The following ADAMTS2 variants were observed in gnomAD, a reference collection of about 807,000 sequenced individuals.
The protein encoded by ADAMTS2 is ADAM metallopeptidase with thrombospondin type 1 motif 2.
Under a neutral mutation model 123.0 loss-of-function variants are expected in ADAMTS2, and 50 were observed. That is an observed-to-expected ratio of 0.41 (90% CI 0.32 to 0.51). The LOEUF is 0.51. Ranked by LOEUF, ADAMTS2 falls within the 20% of genes least tolerant of loss-of-function variation. The pLI, the probability that ADAMTS2 is intolerant of heterozygous loss-of-function variation, is 0.35. For missense variants in ADAMTS2, 1,494 were observed against 1,705.2 expected, an observed-to-expected ratio of 0.88 and a Z score of 2.18; for synonymous variants, 678 against 695.4, an observed-to-expected ratio of 0.98 and a Z score of 0.39.
chr5:179,240,899 G>C (rs1053440057), intron 3 of ADAMTS2, among the ~76,000 whole-genome samples: 5 of 152,174 alleles, frequency 3.3e-5, no homozygotes, highest in Non-Finnish European at 5.9e-5. Context: ...AGAGGAACAG[G>C]GTTCAACTCT....
At chr5:179,248,049 T>A (rs1192041846) in intron 3 of ADAMTS2, among the ~76,000 whole-genome samples, 1 of 152,148 alleles carries the variant, frequency 6.6e-6, no homozygotes, top group Admixed American at 6.5e-5. Context: ...TCTACATTAA[T>A]AGACACACAT....
At position 179,343,794 on chromosome 5, in the gene ADAMTS2, A is replaced by G; in HGVS notation, c.507T>C (p.Ser169=). ...GDVAGLAEAS[S]VALSNCDGLA... ...GCCCATCGCAGTTGCTGAGCGCCACAGAGGAGGCTTCGGCTAGGCCGGCCA... is the reference window on the plus strand; with the variant it reads ...GCCCATCGCAGTTGCTGAGCGCCACGGAGGAGGCTTCGGCTAGGCCGGCCA... The change falls in exon 2 of 22, where the codon TCT becomes TCC. Residue 169 remains serine, a synonymous_variant. Coordinates refer to ENST00000251582, the MANE Select transcript of ADAMTS2 (RefSeq NM_014244.5). 1 of 1,611,866 alleles carries G rather than the reference A, an allele frequency of 6.2e-7. No homozygotes were observed. The highest frequency in any genetic ancestry group is 8.5e-7 in the Non-Finnish European group (1 of 1,179,732).
intron 3 of ADAMTS2, among the ~76,000 whole-genome samples, chr5:179,265,744 C>T (rs1337271760): frequency 6.6e-6 from 1 of 152,250 alleles, no homozygotes; most frequent in African/African-American, 2.4e-5. Flanking sequence ...GCATCTCCAA[C>T]AGCCATCCCA....
At chr5:179,208,175 G>T (rs1167917914) in intron 3 of ADAMTS2, among the ~76,000 whole-genome samples, 1 of 151,794 alleles carries the variant, frequency 6.6e-6, no homozygotes. Context: ...TGCTGGAGTG[G>T]GTAGAGCCAC....
In ADAMTS2 at chr5:179,202,499, T is replaced by G. The variant is rs1418573556; in HGVS notation, c.891+5014A>C. ...TCATTATTTGAAATGATCCTGTTTGTTTTTCACTTCAGTATCGTCTGTGCC... is the reference window on the plus strand; with the variant it reads ...TCATTATTTGAAATGATCCTGTTTGGTTTTCACTTCAGTATCGTCTGTGCC... On this transcript the variant is annotated intron_variant, in intron 4 of 21. Transcript: ENST00000251582. The surrounding 1 kb of genome is among the most constrained non-coding windows in gnomAD (Gnocchi z 4.0). Among the ~76,000 whole-genome samples, 1 of 152,174 alleles carries G rather than the reference T, an allele frequency of 6.6e-6. No individual in the cohort carries two copies. The highest frequency in any genetic ancestry group is 1.5e-5 in the Non-Finnish European group (1 of 68,038).
At chr5:179,164,622 T>C (rs1331008803) in intron 5 of ADAMTS2, among the ~76,000 whole-genome samples, 1 of 152,046 alleles carries the variant, frequency 6.6e-6, no homozygotes, top group South Asian at 2.1e-4. Flanking sequence ...CGGCAATGTC[T>C]TTCCTGGCCA....
In ADAMTS2 at chr5:179,181,914, CAT is replaced by C. The variant is rs1279421861; in HGVS notation, c.892-761_892-760del. Among the ~76,000 whole-genome samples, 3 of 152,324 alleles carry C rather than the reference CAT, an allele frequency of 2.0e-5. No homozygotes were observed. The highest frequency in any genetic ancestry group is 7.2e-5 in the African/African-American group (3 of 41,568). ...CACAGCCAGCAAGACCCTCCAGAAA[CAT>C]AGGTCAGGTTATCCCGGGCTCGAGG... On this transcript the variant is annotated intron_variant, in intron 4 of 21. Transcript: ENST00000251582. The surrounding 1 kb of genome is among the most constrained non-coding windows in gnomAD (Gnocchi z 4.1).
At position 179,169,610 on chromosome 5, in the gene ADAMTS2, G is replaced by A. The variant is rs540402418; in HGVS notation, c.976-10731C>T. On this transcript the variant is annotated intron_variant, in intron 5 of 21. Transcript: ENST00000251582. The stretch of plus-strand genomic sequence containing the variant: ...CTGTCCCTGGGGTGAGGCATGGGGT[G>A]TGTTTCCCACCTCATCCCCTGTCCC... Among the ~76,000 whole-genome samples, 9 of 152,280 alleles carry A rather than the reference G, an allele frequency of 5.9e-5. No homozygotes were observed. The South Asian group carries it at 1.2e-3, about 21-fold the overall frequency.
chr5:179,224,316 C>T (rs1043905073), intron 3 of ADAMTS2, among the ~76,000 whole-genome samples: 12 of 152,336 alleles, frequency 7.9e-5, no homozygotes, highest in Non-Finnish European at 1.3e-4. Context: ...CCTGACAACA[C>T]GCTGCCGGCC....
At chr5:179,186,840 A>AC (rs1369597876) in intron 4 of ADAMTS2, among the ~76,000 whole-genome samples, 38 of 39,874 alleles carry the variant, frequency 9.5e-4, no homozygotes, top group Admixed American at 2.9e-3. Context: ...TGTCCTCCCC[A>AC]CCCCCCCACC....
At chr5:179,165,522 G>T (rs184874548) in intron 5 of ADAMTS2, among the ~76,000 whole-genome samples, 2 of 152,270 alleles carry the variant, frequency 1.3e-5, no homozygotes, top group South Asian at 2.1e-4. Flanking sequence ...CTGTGCTGAG[G>T]GGGGGACCAG....
At position 179,307,427 on chromosome 5, in the gene ADAMTS2, C is replaced by T. The variant is rs897125358; in HGVS notation, c.535-34363G>A. Among the ~76,000 whole-genome samples, 4 of 152,080 alleles carry T rather than the reference C, an allele frequency of 2.6e-5. No homozygotes were observed. Among genetic ancestry groups the T allele is most frequent in the African/African-American group, 7.2e-5 (3 of 41,406 alleles). On this transcript the variant is annotated intron_variant, in intron 2 of 21. Transcript: ENST00000251582. This position sits in a 1 kb window ranked among gnomAD's most constrained non-coding sequence, Gnocchi z 5.6. ...CCCATGAGCATTCAACAGCCCGGTCCGGGGGGCACCACCACGCAGGGGCTT... is the reference window on the plus strand; with the variant it reads ...CCCATGAGCATTCAACAGCCCGGTCTGGGGGGCACCACCACGCAGGGGCTT...
intron 17 of ADAMTS2, among the ~76,000 whole-genome samples, chr5:179,127,609 C>A (rs1762881667): frequency 6.6e-6 from 1 of 152,082 alleles, no homozygotes; most frequent in South Asian, 2.1e-4. Context: ...ATCTGCACTG[C>A]CAGAGTCTTG....
rs781380740 is a variant in ADAMTS2 at position 179,317,331 on chromosome 5, C to T, written c.534+26436G>A. Among the ~76,000 whole-genome samples, 3 of 152,212 alleles carry T rather than the reference C, an allele frequency of 2.0e-5. No homozygotes were observed. The highest frequency in any genetic ancestry group is 4.4e-5 in the Non-Finnish European group (3 of 68,048). On this transcript the variant is annotated intron_variant, in intron 2 of 21. Coordinates refer to ENST00000251582, the MANE Select transcript of ADAMTS2 (RefSeq NM_014244.5). The surrounding 1 kb of genome is among the most constrained non-coding windows in gnomAD (Gnocchi z 4.9). ...GCTAGCAGAGTCGCTGATATGGTAA[C>T]ACAATATCACACATCTCATCCAAGC...
At position 179,132,389 on chromosome 5, in the gene ADAMTS2, C is replaced by T. The variant is rs189954268; in HGVS notation, c.2210-79G>A. 2.4e-5 allele frequency: 33 copies of T among 1,398,156 alleles called. No individual in the cohort carries two copies. The highest frequency in any genetic ancestry group is 4.2e-5 in the African/African-American group (3 of 70,898). 86.6% of individuals were successfully genotyped at this position (1,398,156 alleles called of 1,614,324 possible). Reference sequence around the variant, plus strand: ...ATTCGCACCATGCAAGGAGGGGCCTCGCTCTTGAAGGCAGCTCCTCCGGAG... The same window carrying T: ...ATTCGCACCATGCAAGGAGGGGCCTTGCTCTTGAAGGCAGCTCCTCCGGAG... On this transcript the variant is annotated intron_variant, in intron 14 of 21. Transcript: ENST00000251582. This position sits in a 1 kb window ranked among gnomAD's most constrained non-coding sequence, Gnocchi z 6.1.
Position 179,285,576 on chromosome 5 carries a change from GTCAGACCCAGAC to G in ADAMTS2, c.535-12524_535-12513del, listed in dbSNP as rs1435562150. Among the ~76,000 whole-genome samples the G allele has an allele frequency of 6.6e-6, 1 of 152,176 alleles. No individual in the cohort carries two copies. Among genetic ancestry groups the G allele is most frequent in the East Asian group, 1.9e-4 (1 of 5,172 alleles). ...CCAGCCAGGACACAGAGGTCAGTGG[GTCAGACCCAGAC>G]TCTGGGACTGCAACAGGCCTGCCTA... On this transcript the variant is annotated intron_variant, in intron 2 of 21. Transcript: ENST00000251582. This position sits in a 1 kb window ranked among gnomAD's most constrained non-coding sequence, Gnocchi z 4.9.
At chr5:179,292,255 C>T (rs911077654) in intron 2 of ADAMTS2, among the ~76,000 whole-genome samples, 24 of 151,330 alleles carry the variant, frequency 1.6e-4, no homozygotes, top group Admixed American at 1.3e-4. Context: ...CTGGGGAATG[C>T]GGGGCAAGAA....
At chr5:179,330,661 G>A (rs774376782) in intron 2 of ADAMTS2, among the ~76,000 whole-genome samples, 2 of 152,154 alleles carry the variant, frequency 1.3e-5, no homozygotes, top group South Asian at 4.2e-4. Flanking sequence ...ACTCCCAGAC[G>A]GAGCAAAGGC....
chr5:179,243,409 C>G (rs1173838505), intron 3 of ADAMTS2, among the ~76,000 whole-genome samples: 1 of 152,138 alleles, frequency 6.6e-6, no homozygotes, highest in Non-Finnish European at 1.5e-5. Context: ...TCATAGGGAG[C>G]CCTGCTGAAA....
Sources: gnomAD v4.1 joint callset for allele counts (sites outside exome capture counted in the v4.1 genomes callset) on GRCh38, gnomAD v4.1.1 for gene constraint, Gnocchi (gnomAD v3.1) non-coding constraint, MANE v1.5 for transcripts, NCBI Gene and HGNC (gene_info 2026-07-23, HGNC 2026-07-21) for gene names.